RFWD3: variants seen among roughly 807,000 people sequenced by gnomAD.
RFWD3 encodes the protein ring finger and WD repeat domain 3.
In RFWD3, 65 loss-of-function variants were observed where a neutral mutation model predicts 87.7. The ratio of observed to expected loss-of-function variants is 0.74; its 90% CI spans 0.61 to 0.91. The LOEUF (loss-of-function observed/expected upper bound fraction) is 0.91, where lower values mean the gene tolerates loss of function less well. Ranked by LOEUF, RFWD3 falls within the 40% of genes least tolerant of loss-of-function variation. The pLI is 0.00. For synonymous variants in RFWD3, 433 were observed against 352.8 expected (o/e 1.23, Z -2.55); for missense variants, 1,078 against 938.5 (o/e 1.15, Z -1.94).
chr16:74,657,352 A>G (rs1378623171), intron 2 of RFWD3, among the ~76,000 whole-genome samples: 3 of 152,096 alleles, frequency 2.0e-5, no homozygotes, highest in African/African-American at 4.8e-5. Context: ...GCATTTGGTC[A>G]GTTTCCTGAA....
At chr16:74,625,227 G>C (rs752803087) in intron 12 of RFWD3, among the ~76,000 whole-genome samples, 1 of 145,178 alleles carries the variant, frequency 6.9e-6, no homozygotes, top group Non-Finnish European at 1.5e-5. Flanking sequence ...GAGAGGGACA[G>C]AAAAAAAAAG....
In RFWD3 at chr16:74,651,782, T is replaced by C. The variant is rs1597447256; in HGVS notation, c.721+138A>G. 4.0e-6 allele frequency: 3 copies of C among 747,846 alleles called. No homozygotes were observed. In the East Asian group the frequency reaches 7.3e-5, roughly 18 times the overall value. 46.3% of individuals were successfully genotyped at this position (747,846 alleles called of 1,614,324 possible). A position where few individuals can be genotyped will look rare whatever the true frequency, so the allele number is the denominator to read the frequency against. ...ACATAATTATGGCCAGTGAAGGCTC[T>C]ATACTATAAAACAGGAATCCACAAC... On this transcript the variant is annotated intron_variant, in intron 3 of 12. Coordinates refer to ENST00000361070, the MANE Select transcript of RFWD3 (RefSeq NM_018124.4).
intron 4 of RFWD3, among the ~76,000 whole-genome samples, chr16:74,646,321 A>G (rs1038805332): frequency 3.9e-5 from 6 of 152,196 alleles, no homozygotes; most frequent in Non-Finnish European, 8.8e-5. Flanking sequence ...GGCTGCAGTG[A>G]GCTATGATTG....
At chr16:74,647,598 T>C (rs1415284841) in intron 4 of RFWD3, among the ~76,000 whole-genome samples, 2 of 150,706 alleles carry the variant, frequency 1.3e-5, no homozygotes, top group African/African-American at 4.9e-5. Flanking sequence ...AACATTATTA[T>C]TACTATTCTT....
intron 2 of RFWD3, among the ~76,000 whole-genome samples, chr16:74,653,189 T>C (rs1335977623): frequency 2.6e-5 from 4 of 151,774 alleles, no homozygotes; most frequent in African/African-American, 7.3e-5. Context: ...AAATACACAA[T>C]ATAGCCAGGC....
At chr16:74,661,836 T>A (rs368229682) in intron 1 of RFWD3, among the ~76,000 whole-genome samples, 2 of 152,200 alleles carry the variant, frequency 1.3e-5, no homozygotes, top group Non-Finnish European at 2.9e-5. Flanking sequence ...TAATGCAGTA[T>A]CTAATTTTAG....
rs1335537522 is a variant in RFWD3 at position 74,630,970 on chromosome 16, A to G, written c.1578-13T>C. Reference sequence around the variant, plus strand: ...ATTTGTCTCCAGGCTGTGGAGTTACAAAAGACTTTTACAACTGCATTAAGA... The same window carrying G: ...ATTTGTCTCCAGGCTGTGGAGTTACGAAAGACTTTTACAACTGCATTAAGA... On this transcript the variant is annotated splice_polypyrimidine_tract_variant and intron_variant, in intron 9 of 12. Transcript: ENST00000361070. 4 of 1,593,042 alleles carry G rather than the reference A, an allele frequency of 2.5e-6. No individual in the cohort carries two copies. Among genetic ancestry groups the G allele is most frequent in the East Asian group, 4.5e-5 (2 of 44,702 alleles).
chr16:74,648,821 C>T (rs1207289386), intron 4 of RFWD3, among the ~76,000 whole-genome samples: 1 of 151,982 alleles, frequency 6.6e-6, no homozygotes, highest in Non-Finnish European at 1.5e-5. Flanking sequence ...CATGGTGGCT[C>T]ATGACTACAA....
intron 2 of RFWD3, among the ~76,000 whole-genome samples, chr16:74,654,841 C>A (rs922437752): frequency 1.3e-5 from 2 of 152,154 alleles, no homozygotes; most frequent in Non-Finnish European, 2.9e-5. Context: ...GAAGATCAAA[C>A]CAGCCACAAC....
Position 74,666,845 on chromosome 16 carries a change from G to GCCGAAGACTCGGTAGTTACCTTCC in RFWD3, c.-63_-62insGGAAGGTAACTACCGAGTCTTCGG, listed in dbSNP as rs56890104. 6.6e-6 allele frequency: 1 copy of GCCGAAGACTCGGTAGTTACCTTCC among 150,860 alleles called. No individual in the cohort carries two copies. Among genetic ancestry groups the GCCGAAGACTCGGTAGTTACCTTCC allele is most frequent in the Non-Finnish European group, 1.5e-5 (1 of 67,736 alleles). The allele number at this position is 150,860 out of a possible 1,614,324, so 9.3% of individuals were successfully genotyped here. ...CCGCCGAAGACTCGGTAGTTACCTCGGCCGCACTCCGAATGCACCTACGCC... is the reference window on the plus strand; with the variant it reads ...CCGCCGAAGACTCGGTAGTTACCTCGCCGAAGACTCGGTAGTTACCTTCCGCCGCACTCCGAATGCACCTACGCC... On this transcript the variant is annotated 5_prime_UTR_variant, in exon 1 of 13. Coordinates refer to ENST00000361070, the MANE Select transcript of RFWD3 (RefSeq NM_018124.4).
chr16:74,635,699 AG>A (rs774519634), intron 8 of RFWD3, among the ~76,000 whole-genome samples: 4 of 152,236 alleles, frequency 2.6e-5, no homozygotes, highest in Non-Finnish European at 5.9e-5. Flanking sequence ...GATGGGATAA[AG>A]GAACATTATA....
At chr16:74,666,183 TAGATAGATAGA>T (rs1279460530) in intron 1 of RFWD3, 8 of 52,278 alleles carry the variant, frequency 1.5e-4, no homozygotes, top group East Asian at 5.8e-4. Flanking sequence ...ATAGACAGAT[TAGATAGATAGA>T]TAGATAGATA....
intron 7 of RFWD3, among the ~76,000 whole-genome samples, 169 bp downstream of exon 7, chr16:74,637,687 G>C (rs1002755938): frequency 1.3e-5 from 2 of 152,278 alleles, no homozygotes; most frequent in Non-Finnish European, 2.9e-5. Context: ...AAAGTGTGTA[G>C]TAAGTTTTGA....
intron 6 of RFWD3, chr16:74,644,129 C>T: frequency 1.7e-6 from 1 of 572,960 alleles, no homozygotes; most frequent in Non-Finnish European, 3.1e-6. Flanking sequence ...AAGTAATGTG[C>T]CAGATCCTTG....
chr16:74,658,385 T>C (rs1239052433), intron 2 of RFWD3, among the ~76,000 whole-genome samples: 3 of 152,200 alleles, frequency 2.0e-5, no homozygotes, highest in Non-Finnish European at 4.4e-5. Context: ...TTGGGAAGAA[T>C]AAGCTCACTA....
chr16:74,644,217 T>A, intron 6 of RFWD3, 145 bp downstream of exon 6: 1 of 772,070 alleles, frequency 1.3e-6, no homozygotes, highest in East Asian at 2.4e-5. Flanking sequence ...AATAACAGTG[T>A]AAGACAGACT....
At chr16:74,627,211 T>A (rs922745275) in intron 11 of RFWD3, among the ~76,000 whole-genome samples, 1 of 152,222 alleles carries the variant, frequency 6.6e-6, no homozygotes, top group African/African-American at 2.4e-5. Flanking sequence ...AGTGTGAGCA[T>A]TTAATGACTA....
At chr16:74,662,992 C>A (rs1212207073) in intron 1 of RFWD3, among the ~76,000 whole-genome samples, 1 of 151,854 alleles carries the variant, frequency 6.6e-6, no homozygotes, top group Non-Finnish European at 1.5e-5. Context: ...GCAAGCTCCG[C>A]CTCCCGGGTT....
At chr16:74,644,326 G>A in intron 6 of RFWD3, 36 bp downstream of exon 6, 1 of 1,600,742 alleles carries the variant, frequency 6.2e-7, no homozygotes, top group Non-Finnish European at 8.6e-7. Context: ...TGAACCAAAA[G>A]GGAACATTCC....
Sources: allele counts gnomAD v4.1 joint callset (sites outside exome capture counted in the v4.1 genomes callset), GRCh38; gene constraint gnomAD v4.1.1; transcripts MANE v1.5; gene names NCBI Gene and HGNC (gene_info 2026-07-23, HGNC 2026-07-21).